Variants in LIX1L observed in about 807,000 individuals in gnomAD.
The protein encoded by LIX1L is limb and CNS expressed 1 like, also known as LIX1-like protein.
Under a neutral mutation model 34.0 loss-of-function variants are expected in LIX1L, and 20 were observed. That is an observed-to-expected ratio of 0.59 (90% CI 0.41 to 0.85). The LOEUF is 0.85. LIX1L is among the 40% of genes least tolerant of loss of function. The pLI is 0.00. For missense variants in LIX1L, 397 were observed against 447.0 expected (o/e 0.89, Z 1.01); for synonymous variants, 170 against 187.4 (o/e 0.91, Z 0.76).
At chr1:145,944,218 A>G (rs1238494343) in intron 2 of LIX1L, among the ~76,000 whole-genome samples, 1 of 152,044 alleles carries the variant, frequency 6.6e-6, no homozygotes, top group African/African-American at 2.4e-5. Context: ...TTAGCTGGGC[A>G]TGGTTGTGGT....
At chr1:145,946,876 C>T (rs1025277796) in intron 2 of LIX1L, among the ~76,000 whole-genome samples, 3 of 152,040 alleles carry the variant, frequency 2.0e-5, no homozygotes, top group Non-Finnish European at 2.9e-5. Context: ...CTCTAAATTC[C>T]ATTTGAGACT....
At chr1:145,938,152 TTAA>T (rs1648738912) in intron 3 of LIX1L, among the ~76,000 whole-genome samples, 1 of 152,072 alleles carries the variant, frequency 6.6e-6, no homozygotes, top group Non-Finnish European at 1.5e-5. Flanking sequence ...AAAATTAATT[TTAA>T]TAATATATCT....
chr1:145,933,783 C>T lies in LIX1L; in HGVS notation c.*2527G>A, dbSNP rs1648517264. 1 of 151,968 alleles carries T rather than the reference C, an allele frequency of 6.6e-6. No individual in the cohort carries two copies. Among genetic ancestry groups the T allele is most frequent in the African/African-American group, 2.4e-5 (1 of 41,372 alleles). 9.4% of individuals were successfully genotyped at this position (151,968 alleles called of 1,614,324 possible). A position where few individuals can be genotyped will look rare whatever the true frequency, so the allele number is the denominator to read the frequency against. On this transcript the variant is annotated 3_prime_UTR_variant, in exon 6 of 6. Coordinates refer to ENST00000604000, the MANE Select transcript of LIX1L (RefSeq NM_153713.3). ...TGGAATACAAACATGGGGCTTCTAC[C>T]CCAGCTCTCTTCTGATTAGTAAGAA...
intron 2 of LIX1L, among the ~76,000 whole-genome samples, chr1:145,944,166 G>A (rs1553758983): frequency 1.3e-5 from 2 of 152,138 alleles, no homozygotes; most frequent in African/African-American, 4.8e-5. Flanking sequence ...AGACCAGCCT[G>A]GGCAACATAG....
intron 3 of LIX1L, among the ~76,000 whole-genome samples, chr1:145,938,819 C>A (rs587595068): frequency 1.3e-5 from 2 of 152,208 alleles, no homozygotes; most frequent in Non-Finnish European, 2.9e-5. Context: ...AACCCCTGAC[C>A]TCAGGTGATC....
intron 3 of LIX1L, among the ~76,000 whole-genome samples, chr1:145,938,061 G>A (rs1183681472): frequency 6.6e-6 from 1 of 151,674 alleles, no homozygotes; most frequent in African/African-American, 2.4e-5. Context: ...CCTGGGAGGC[G>A]GAGATTGCAG....
chr1:145,951,571 AT>A (rs1280168570), intron 1 of LIX1L, among the ~76,000 whole-genome samples: 1 of 152,208 alleles, frequency 6.6e-6, no homozygotes, highest in Non-Finnish European at 1.5e-5. Context: ...AAAAATTAAA[AT>A]TAAAATTTAA....
At chr1:145,937,974 A>G (rs1648728409) in intron 3 of LIX1L, among the ~76,000 whole-genome samples, 1 of 152,036 alleles carries the variant, frequency 6.6e-6, no homozygotes, top group African/African-American at 2.4e-5. Context: ...CTAAAAATAC[A>G]AAAATTAGCC....
At chr1:145,954,954 A>G (rs1649418170) in intron 1 of LIX1L, among the ~76,000 whole-genome samples, 1 of 152,230 alleles carries the variant, frequency 6.6e-6, no homozygotes, top group African/African-American at 2.4e-5. Flanking sequence ...TTTGGCTCCA[A>G]AGTCAACCCT....
At chr1:145,946,608 T>C (rs1299449121) in intron 2 of LIX1L, among the ~76,000 whole-genome samples, 1 of 152,226 alleles carries the variant, frequency 6.6e-6, no homozygotes, top group Non-Finnish European at 1.5e-5. Context: ...CACTCATTCA[T>C]GCAACAGACG....
At chr1:145,940,695 C>T (rs1431163344) in intron 3 of LIX1L, among the ~76,000 whole-genome samples, 1 of 150,554 alleles carries the variant, frequency 6.6e-6, no homozygotes, top group Non-Finnish European at 1.5e-5. Flanking sequence ...GGACTACAGG[C>T]GCGCACCACC....
In LIX1L at chr1:145,957,872, C is replaced by T. The variant is rs1334864662; in HGVS notation, c.56G>A (p.Gly19Asp). Reference sequence around the variant, plus strand: ...TCCGGGCCGCAGCGCTCGGAGAGTGCCCCTCCCGCTGGTGCCCACACCAGG... The same window carrying T: ...TCCGGGCCGCAGCGCTCGGAGAGTGTCCCTCCCGCTGGTGCCCACACCAGG... ...LQPGVGTSGR[G>D]TLRALRPGVT... The change falls in exon 1 of 6, where the codon GGC becomes GAC. Residue 19 changes from glycine to aspartate, a missense_variant. Gly to Asp is a moderately conservative substitution (Grantham distance 94). This residue lies in a region of LIX1L where 207 missense variants were observed against 205.2 expected (regional missense o/e 1.01). Transcript: ENST00000604000. 8 of 1,472,940 alleles carry T rather than the reference C, an allele frequency of 5.4e-6. No individual in the cohort carries two copies. Among genetic ancestry groups the T allele is most frequent in the Non-Finnish European group, 4.5e-6 (5 of 1,114,894 alleles). 91.2% of individuals were successfully genotyped at this position (1,472,940 alleles called of 1,614,324 possible).
Position 145,942,863 on chromosome 1 carries a change from G to A in LIX1L, c.457-10C>T. Reference sequence around the variant, plus strand: ...CTTTTGTGGGGCAAAACTAGGCAGGGGAGAAAGAGTGAGAATATGTGTATT... The same window carrying A: ...CTTTTGTGGGGCAAAACTAGGCAGGAGAGAAAGAGTGAGAATATGTGTATT... On this transcript the variant is annotated splice_polypyrimidine_tract_variant and intron_variant, in intron 2 of 5. Coordinates refer to ENST00000604000, the MANE Select transcript of LIX1L (RefSeq NM_153713.3). 2 of 1,613,760 alleles carry A rather than the reference G, an allele frequency of 1.2e-6. No homozygotes were observed. The highest frequency in any genetic ancestry group is 2.2e-5 in the South Asian group (2 of 91,072).
chr1:145,936,538 A>G lies in LIX1L; in HGVS notation c.786T>C (p.His262=). The G allele has an allele frequency of 6.2e-7, 1 of 1,614,112 alleles. No homozygotes were observed. The highest frequency in any genetic ancestry group is 8.5e-7 in the Non-Finnish European group (1 of 1,180,020). The change falls in exon 6 of 6, where the codon CAT becomes CAC. Residue 262 remains histidine, a synonymous_variant. Coordinates refer to ENST00000604000, the MANE Select transcript of LIX1L (RefSeq NM_153713.3). ...RQCSRQEVLA[H]YSHRALDDDI... is the part of the protein sequence containing the mutation. ...CATCATCCAGGGCCCGGTGCGAATA[A>G]TGAGCCAACACCTCCTAGTAGGGGA...
At chr1:145,952,233 C>T (rs1304953866) in intron 1 of LIX1L, among the ~76,000 whole-genome samples, 4 of 152,216 alleles carry the variant, frequency 2.6e-5, no homozygotes, top group Non-Finnish European at 4.4e-5. Flanking sequence ...CATGGAGGTT[C>T]ACAAGCTTCC....
intron 1 of LIX1L, among the ~76,000 whole-genome samples, chr1:145,949,958 G>C (rs781982759): frequency 5.9e-5 from 9 of 151,712 alleles, no homozygotes; most frequent in Non-Finnish European, 1.3e-4. Flanking sequence ...TGGGACCACA[G>C]GTGCATGCCA....
At chr1:145,943,357 A>G (rs1011293325) in intron 2 of LIX1L, among the ~76,000 whole-genome samples, 29 of 152,278 alleles carry the variant, frequency 1.9e-4, no homozygotes, top group African/African-American at 6.7e-4. Context: ...CTCGGACTTC[A>G]TTTTTAGCTG....
chr1:145,936,623 G>A, intron 5 of LIX1L, 71 bp from the exon 6 acceptor site: 1 of 1,568,340 alleles, frequency 6.4e-7, no homozygotes, highest in Admixed American at 1.8e-5. Context: ...TGACCCAACT[G>A]GGACTAAGAA....
intron 3 of LIX1L, chr1:145,940,996 T>C (rs1553758594): frequency 6.6e-6 from 1 of 152,136 alleles, no homozygotes; most frequent in Non-Finnish European, 1.5e-5. Context: ...CTGTTTCATT[T>C]TATAATACCA....
Sources: gnomAD v4.1 joint callset for allele counts (sites outside exome capture counted in the v4.1 genomes callset) on GRCh38, gnomAD v4.1.1 for gene constraint, gnomAD v4.1.1 regional missense constraint, MANE v1.5 for transcripts, NCBI Gene and HGNC (gene_info 2026-07-23, HGNC 2026-07-21) for gene names.